EIF4E3: variants seen among roughly 807,000 people sequenced by gnomAD.
The protein encoded by EIF4E3 is eukaryotic translation initiation factor 4E type 3.
Under a neutral mutation model 31.7 loss-of-function variants are expected in EIF4E3, and 26 were observed. That is an observed-to-expected ratio of 0.82 (90% CI 0.60 to 1.14). EIF4E3 has a LOEUF of 1.14. Ranked by LOEUF, EIF4E3 falls within the 50% of genes most tolerant of loss-of-function variation. EIF4E3 has a pLI of 0.00. For missense variants in EIF4E3, 304 were observed against 270.9 expected (o/e 1.12, Z -0.86); for synonymous variants, 128 against 107.7 (o/e 1.19, Z -1.17).
chr3:71,738,655 A>G (rs1366390875), intron 1 of EIF4E3, among the ~76,000 whole-genome samples: 1 of 152,166 alleles, frequency 6.6e-6, no homozygotes, highest in African/African-American at 2.4e-5. Flanking sequence ...CTCAAAATAC[A>G]TGAAGCAAAA....
intron 1 of EIF4E3, among the ~76,000 whole-genome samples, chr3:71,744,274 G>GA (rs1319001021): frequency 6.6e-6 from 1 of 152,012 alleles, no homozygotes; most frequent in Admixed American, 6.6e-5. Flanking sequence ...ATGATTTATT[G>GA]AAAAAATATG....
chr3:71,684,813 A>G, intron 6 of EIF4E3, 85 bp from the exon 7 acceptor site: 4 of 1,410,778 alleles, frequency 2.8e-6, no homozygotes, highest in Non-Finnish European at 3.9e-6. Context: ...TAGGCATCTC[A>G]TTCAGCTTCC....
chr3:71,748,858 T>C (rs1452556286), intron 1 of EIF4E3, among the ~76,000 whole-genome samples: 1 of 152,082 alleles, frequency 6.6e-6, no homozygotes, highest in Non-Finnish European at 1.5e-5. Flanking sequence ...CAAGACAAAA[T>C]GGCAACACAG....
chr3:71,665,484 A>G, the EIF4E3 span, among the ~76,000 whole-genome samples: 1 of 152,226 alleles, frequency 6.6e-6, no homozygotes, highest in African/African-American at 2.4e-5. Context: ...ACTATTAAAG[A>G]GAGATACTTT....
Position 71,680,886 on chromosome 3 carries a change from A to C in EIF4E3, c.*3796T>G, listed in dbSNP as rs903071644. The C allele has an allele frequency of 6.6e-6, 1 of 152,248 alleles. No homozygotes were observed. Among genetic ancestry groups the C allele is most frequent in the African/African-American group, 2.4e-5 (1 of 41,468 alleles). The allele number at this position is 152,248 out of a possible 1,614,324, so 9.4% of individuals were successfully genotyped here. A position where few individuals can be genotyped will look rare whatever the true frequency, so the allele number is the denominator to read the frequency against. ...AGGCAGTCCTCTACTTTCACTTGTA[A>C]TGAGTAAAATCTCACAGAAACATAC... On this transcript the variant is annotated 3_prime_UTR_variant, in exon 7 of 7. Transcript: ENST00000425534.
At chr3:71,743,569 C>T (rs986404395) in intron 1 of EIF4E3, among the ~76,000 whole-genome samples, 1 of 151,970 alleles carries the variant, frequency 6.6e-6, no homozygotes, top group Admixed American at 6.5e-5. Context: ...TAGACACAAC[C>T]CCAATTAATA....
In EIF4E3 at chr3:71,677,962, A is replaced by T. The variant is rs2048886909; in HGVS notation, c.*6720T>A. ...TAAAATAAGCAAGATACGTTTTCTAAGAGACCCAGATGAGCCCTATTATCA... is the reference window on the plus strand; with the variant it reads ...TAAAATAAGCAAGATACGTTTTCTATGAGACCCAGATGAGCCCTATTATCA... On this transcript the variant is annotated 3_prime_UTR_variant, in exon 7 of 7. Transcript: ENST00000425534. 1 of 152,182 alleles carries T rather than the reference A, an allele frequency of 6.6e-6. No homozygotes were observed. The highest frequency in any genetic ancestry group is 1.5e-5 in the Non-Finnish European group (1 of 68,018). The allele number at this position is 152,182 out of a possible 1,614,324, so 9.4% of individuals were successfully genotyped here. A position where few individuals can be genotyped will look rare whatever the true frequency, so the allele number is the denominator to read the frequency against.
At chr3:71,711,010 T>C (rs1325623283) in intron 1 of EIF4E3, among the ~76,000 whole-genome samples, 2 of 152,250 alleles carry the variant, frequency 1.3e-5, no homozygotes, top group Non-Finnish European at 2.9e-5. Context: ...CCAAAACACT[T>C]GCTTTTAGAA....
chr3:71,732,982 C>T (rs2049722627), intron 1 of EIF4E3, among the ~76,000 whole-genome samples: 1 of 152,232 alleles, frequency 6.6e-6, no homozygotes, highest in Non-Finnish European at 1.5e-5. Context: ...AAAAAGGTCA[C>T]CCAAGTGTTG....
upstream of EIF4E3, chr3:71,729,191 CTT>C (rs1471163310): frequency 6.6e-6 from 1 of 152,244 alleles, no homozygotes; most frequent in African/African-American, 2.4e-5. Flanking sequence ...GGTCCTCTCT[CTT>C]CTACTCACAT....
chr3:71,672,146 G>A (rs1416022162), downstream of EIF4E3, among the ~76,000 whole-genome samples: 1 of 152,064 alleles, frequency 6.6e-6, no homozygotes, highest in African/African-American at 2.4e-5. Context: ...CCCTGGACTT[G>A]GGGAGTTTCA....
chr3:71,694,329 T>C (rs1333882463), intron 4 of EIF4E3, among the ~76,000 whole-genome samples: 1 of 152,252 alleles, frequency 6.6e-6, no homozygotes, highest in Admixed American at 6.5e-5. Context: ...AATCTTTCTC[T>C]TCAAAATCCT....
chr3:71,669,253 G>C, the EIF4E3 span, among the ~76,000 whole-genome samples: 2 of 151,812 alleles, frequency 1.3e-5, no homozygotes, highest in African/African-American at 4.8e-5. Context: ...GCCTGTTGGG[G>C]GGTGGGGGGC....
At chr3:71,693,751 G>C in intron 5 of EIF4E3, 124 bp downstream of exon 5, 1 of 934,616 alleles carries the variant, frequency 1.1e-6, no homozygotes, top group Non-Finnish European at 1.5e-6. Context: ...TAACTTTGTA[G>C]TTCCAAAATA....
chr3:71,685,442 C>T (rs1264276510), intron 6 of EIF4E3, among the ~76,000 whole-genome samples: 1 of 152,184 alleles, frequency 6.6e-6, no homozygotes, highest in African/African-American at 2.4e-5. Context: ...TCACTGCAAC[C>T]TCCTCTGCCT....
chr3:71,718,556 C>G lies in EIF4E3; in HGVS notation c.176+6636G>C, dbSNP rs549581541. ...GAAGTACAGCAGTGTTAAGAGTTTA[C>G]GACAAAATTAAGAAAGACCAAGTTG... On this transcript the variant is annotated intron_variant, in intron 1 of 6. Coordinates refer to ENST00000425534, the MANE Select transcript of EIF4E3 (RefSeq NM_001134651.2). 2.6e-5 allele frequency among the ~76,000 whole-genome samples: 4 copies of G among 152,252 alleles called. No homozygotes were observed. The East Asian group carries it at 5.8e-4, about 22-fold the overall frequency.
chr3:71,734,088 T>C (rs1049479134), intron 1 of EIF4E3, among the ~76,000 whole-genome samples: 7 of 152,226 alleles, frequency 4.6e-5, no homozygotes, highest in Admixed American at 1.3e-4. Flanking sequence ...TTCATTCTTA[T>C]TAGTTACATA....
intron 1 of EIF4E3, among the ~76,000 whole-genome samples, chr3:71,716,195 A>G (rs1387122059): frequency 6.6e-6 from 1 of 152,170 alleles, no homozygotes; most frequent in Non-Finnish European, 1.5e-5. Context: ...TAATATAAAT[A>G]ACATGATTCC....
At chr3:71,712,628 C>CGGGGG (rs1483521772) in intron 1 of EIF4E3, among the ~76,000 whole-genome samples, 1 of 7,234 alleles carries the variant, frequency 1.4e-4, no homozygotes, top group African/African-American at 8.3e-4. Flanking sequence ...GTGTGTGTTG[C>CGGGGG]GGGGGGTGGG....
Sources: allele counts gnomAD v4.1 joint callset (sites outside exome capture counted in the v4.1 genomes callset), GRCh38; gene constraint gnomAD v4.1.1; transcripts MANE v1.5; gene names NCBI Gene and HGNC (gene_info 2026-07-23, HGNC 2026-07-21).